Variants in BTBD8 observed in about 807,000 individuals in gnomAD.
BTBD8 encodes the protein BTB/POZ domain-containing protein 8.
A neutral mutation model predicts 162.9 loss-of-function variants in BTBD8; 110 were observed. The ratio of observed to expected loss-of-function variants is 0.68; its 90% confidence interval spans 0.58 to 0.79. The LOEUF (loss-of-function observed/expected upper bound fraction) is 0.79, where lower values mean the gene tolerates loss of function less well. Ranked by LOEUF, BTBD8 falls within the 30% of genes least tolerant of loss-of-function variation. The pLI is 0.00. For missense variants in BTBD8, 1,905 were observed against 2,085.4 expected (o/e 0.91, Z 1.68); for synonymous variants, 667 against 716.1 (o/e 0.93, Z 1.10).
intron 9 of BTBD8, among the ~76,000 whole-genome samples, chr1:92,156,945 ATT>A (rs556213022): frequency 7.8e-6 from 1 of 128,102 alleles, no homozygotes. Flanking sequence ...TCTAATATTT[ATT>A]TTTTTTTTTC....
At chr1:92,135,640 A>C (rs1649616844) in intron 5 of BTBD8, among the ~76,000 whole-genome samples, 2 of 152,182 alleles carry the variant, frequency 1.3e-5, no homozygotes. Flanking sequence ...CTTTTAGTAA[A>C]AAATACAATA....
At chr1:92,086,484 A>T (rs954168199) in intron 1 of BTBD8, among the ~76,000 whole-genome samples, 1 of 152,220 alleles carries the variant, frequency 6.6e-6, no homozygotes, top group African/African-American at 2.4e-5. Context: ...TACAAAAATT[A>T]TCTGGGTGTG....
intron 3 of BTBD8, among the ~76,000 whole-genome samples, chr1:92,104,178 T>C (rs562888487): frequency 6.6e-6 from 1 of 152,368 alleles, no homozygotes; most frequent in South Asian, 2.1e-4. Flanking sequence ...ACTCATTTTC[T>C]CAAAACAAGT....
intron 9 of BTBD8, among the ~76,000 whole-genome samples, chr1:92,165,119 CAAA>C (rs779526131): frequency 5.7e-4 from 58 of 101,240 alleles, no homozygotes; most frequent in African/African-American, 1.0e-3. Flanking sequence ...AGACTTGTGT[CAAA>C]AAAAAAAAAA....
At chr1:92,135,121 C>T (rs748676651) in intron 5 of BTBD8, among the ~76,000 whole-genome samples, 2 of 151,838 alleles carry the variant, frequency 1.3e-5, no homozygotes, top group African/African-American at 2.4e-5. Flanking sequence ...GACCTCCTGA[C>T]CTCAGGTGAT....
intron 9 of BTBD8, among the ~76,000 whole-genome samples, chr1:92,152,547 A>G (rs1650069325): frequency 6.6e-6 from 1 of 152,174 alleles, no homozygotes; most frequent in South Asian, 2.1e-4. Flanking sequence ...AGGGATATGG[A>G]GACTAGGCAG....
At chr1:92,163,182 G>A (rs1057395501) in intron 9 of BTBD8, among the ~76,000 whole-genome samples, 2 of 151,428 alleles carry the variant, frequency 1.3e-5, no homozygotes, top group Non-Finnish European at 2.9e-5. Flanking sequence ...GTGAAACCCC[G>A]TCTCTACTAA....
chr1:92,164,484 T>G (rs1222048843), intron 9 of BTBD8, among the ~76,000 whole-genome samples: 5 of 151,980 alleles, frequency 3.3e-5, no homozygotes, highest in Non-Finnish European at 7.4e-5. Context: ...CTGGGCATGG[T>G]GGCGTGCACC....
intron 12 of BTBD8, among the ~76,000 whole-genome samples, chr1:92,169,279 A>G (rs1427514203): frequency 6.6e-6 from 1 of 152,224 alleles, no homozygotes; most frequent in Non-Finnish European, 1.5e-5. Context: ...ATTCTTGTGA[A>G]GAGATTAAAA....
rs750974736 is a variant in BTBD8, at chr1:92,182,077, C to G, written c.4394C>G (p.Ser1465Cys). The G allele has an allele frequency of 5.2e-6, 8 of 1,551,478 alleles. No homozygotes were observed. The highest frequency in any genetic ancestry group is 5.2e-6 in the Non-Finnish European group (6 of 1,146,928). Residue 1465 changes from serine to cysteine, a missense_variant, in exon 17 of 18, where the codon TCT (serine) becomes TGT (cysteine). Coordinates refer to ENST00000636805, the MANE Select transcript of BTBD8 (RefSeq NM_001376131.1). ...VHTPFQASVD[S>C]FSPSDVFDGI... The stretch of plus-strand genomic sequence containing the variant: ...ACTCCCTTTCAGGCTTCTGTAGATT[C>G]TTTTTCACCTTCTGATGTTTTTGAT...
Position 92,141,219 on chromosome 1 carries a change from T to C in BTBD8, c.930+8T>C. 3.2e-6 allele frequency: 5 copies of C among 1,573,654 alleles called. No individual in the cohort carries two copies. The highest frequency in any genetic ancestry group is 4.3e-6 in the Non-Finnish European group (5 of 1,157,010). The stretch of plus-strand genomic sequence containing the variant: ...TGTAATTTCTTTCAGAAGGTAATTA[T>C]TGAGCCTCAGAAATCTTTTATCCAG... On this transcript the variant is annotated splice_region_variant and intron_variant, in intron 7 of 17. Transcript: ENST00000636805.
At chr1:92,140,264 A>AG (rs1267817835) in intron 6 of BTBD8, among the ~76,000 whole-genome samples, 1 of 150,322 alleles carries the variant, frequency 6.7e-6, no homozygotes, top group Non-Finnish European at 1.5e-5. Flanking sequence ...TTGGGGGAAA[A>AG]AAAAACCAAA....
Position 92,184,612 on chromosome 1 carries a change from A to G in BTBD8, c.*282A>G, listed in dbSNP as rs1387752575. Reference sequence around the variant, plus strand: ...TAGCTGATGATTTGTTCACTTAATCATTATTCAAGAATTTAAAATGTGAAT... The same window carrying G: ...TAGCTGATGATTTGTTCACTTAATCGTTATTCAAGAATTTAAAATGTGAAT... On this transcript the variant is annotated 3_prime_UTR_variant, in exon 18 of 18. Transcript: ENST00000636805. 4 of 247,414 alleles carry G rather than the reference A, an allele frequency of 1.6e-5. No individual in the cohort carries two copies. Among genetic ancestry groups the G allele is most frequent in the Non-Finnish European group, 3.1e-5 (4 of 128,810 alleles). 15.3% of individuals were successfully genotyped at this position (247,414 alleles called of 1,614,324 possible). A position where few individuals can be genotyped will look rare whatever the true frequency, so the allele number is the denominator to read the frequency against.
intron 4 of BTBD8, among the ~76,000 whole-genome samples, chr1:92,117,582 A>G (rs1557445571): frequency 1.3e-5 from 2 of 152,010 alleles, no homozygotes; most frequent in African/African-American, 4.8e-5. Flanking sequence ...ATTCTTTGCC[A>G]GGCTTTGTGT....
At chr1:92,082,215 GT>G (rs149386771) in intron 1 of BTBD8, among the ~76,000 whole-genome samples, 11,678 of 151,270 alleles carry the variant, frequency 0.077, 1,290 homozygotes, top group African/African-American at 0.25. Flanking sequence ...ATGTAGCAAG[GT>G]TTTTTTTTAA....
rs1650935871 is a variant in BTBD8, at chr1:92,182,270, T to C, written c.4587T>C (p.Ser1529=). ...ACTCTTCAAGAAAAAATAAACAGAG[T>C]GTTTCAGCCACAGAAAAAAAGAACA... The part of the protein sequence containing the change: ...SIDSSRKNKQ[S]VSATEKKNTI... The change falls in exon 17 of 18, where the codon AGT becomes AGC. Residue 1529 remains serine, a synonymous_variant. Transcript: ENST00000636805. 2 of 1,550,674 alleles carry C rather than the reference T, an allele frequency of 1.3e-6. No homozygotes were observed. The highest frequency in any genetic ancestry group is 2.0e-5 in the Admixed American group (1 of 50,896).
At chr1:92,178,531 C>A in intron 16 of BTBD8, 80 bp downstream of exon 16, 3 of 1,134,350 alleles carry the variant, frequency 2.6e-6, no homozygotes, top group South Asian at 1.8e-5. Context: ...TTTGCAACTT[C>A]AGTAGCAAAT....
intron 4 of BTBD8, chr1:92,126,339 G>A (rs752860433): frequency 5.0e-6 from 3 of 602,754 alleles, no homozygotes; most frequent in African/African-American, 1.9e-5. Context: ...TGCTGCCACA[G>A]TGGTTGTACA....
chr1:92,150,560 T>G (rs902314232), intron 9 of BTBD8: 2 of 152,230 alleles, frequency 1.3e-5, no homozygotes, highest in South Asian at 4.1e-4. Flanking sequence ...TACTTTACAA[T>G]AATTTCTGTA....
Sources: gnomAD v4.1 joint callset for allele counts (sites outside exome capture counted in the v4.1 genomes callset) on GRCh38, gnomAD v4.1.1 for gene constraint, MANE v1.5 for transcripts, NCBI Gene and HGNC (gene_info 2026-07-23, HGNC 2026-07-21) for gene names.